FAN1: variants seen among roughly 807,000 people sequenced by gnomAD.
FAN1 encodes fanconi-associated nuclease 1.
A neutral mutation model predicts 104.9 loss-of-function variants in FAN1; 91 were observed. The observed-to-expected ratio is 0.87, with a 90% CI of 0.73 to 1.03. FAN1 has a LOEUF of 1.03. Among genes scored for constraint, FAN1 ranks in the 50% least tolerant of loss-of-function variants. The pLI, the probability that FAN1 is intolerant of heterozygous loss-of-function variation, is 0.00. For synonymous variants in FAN1, 478 were observed against 457.6 expected, an observed-to-expected ratio of 1.04 and a Z score of -0.57; for missense variants, 1,263 against 1,239.9, an observed-to-expected ratio of 1.02 and a Z score of -0.28.
Position 30,905,604 on chromosome 15 carries a change from T to C in FAN1, c.941T>C (p.Ile314Thr), listed in dbSNP as rs139809129. The C allele has an allele frequency of 1.9e-6, 3 of 1,613,964 alleles. No individual in the cohort carries two copies. The highest frequency in any genetic ancestry group is 2.7e-5 in the African/African-American group (2 of 74,930). Residue 314 changes from isoleucine (I) to threonine (T), a missense_variant, in exon 2 of 15, where the codon ATA becomes ACA. By Grantham distance (89) the Ile-to-Thr change is moderately conservative. This residue lies in a region of FAN1 where 682 missense variants were observed against 571.1 expected (regional missense o/e 1.19). Transcript: ENST00000362065. ...VKMTVASEAK[I>T]QLSDSEAKSH... ...ATGACTGTTGCTTCAGAAGCTAAAA[T>C]ACAGCTGTCAGATTCAGAGGCAAAA...
chr15:30,938,687 A>T (rs1399754658), intron 14 of FAN1, among the ~76,000 whole-genome samples: 1 of 151,952 alleles, frequency 6.6e-6, no homozygotes, highest in African/African-American at 2.4e-5. Context: ...TTCTTGGGGG[A>T]ATATTACTCC....
In FAN1 at chr15:30,905,488, A is replaced by G. The variant is rs569290715; in HGVS notation, c.825A>G (p.Leu275=). 7.4e-6 allele frequency: 12 copies of G among 1,614,102 alleles called. No homozygotes were observed. The East Asian group carries it at 2.7e-4, about 36-fold the overall frequency. Residue 275 remains leucine, a synonymous_variant, in exon 2 of 15, where the codon TTA becomes TTG. Transcript: ENST00000362065. The stretch of plus-strand genomic sequence containing the variant: ...CAGATTTCACTCTTAGGAATACATT[A>G]AAGTCTACTTCAGAAGACAGTCTTG... The part of the protein sequence containing the change: ...FSPDFTLRNT[L]KSTSEDSLVK...
At chr15:30,908,325 T>C in intron 3 of FAN1, 67 bp downstream of exon 3, 1 of 1,398,314 alleles carries the variant, frequency 7.2e-7, no homozygotes, top group Non-Finnish European at 9.6e-7. Flanking sequence ...TGCAGAATGA[T>C]GGCAGTATTA....
chr15:30,937,282 T>A, intron 14 of FAN1, 23 bp downstream of exon 14: 1 of 1,590,662 alleles, frequency 6.3e-7, no homozygotes, highest in Non-Finnish European at 8.5e-7. Context: ...GGATATTTGG[T>A]CATACATTAA....
chr15:30,938,401 T>TA, intron 14 of FAN1, among the ~76,000 whole-genome samples: 1 of 152,326 alleles, frequency 6.6e-6, no homozygotes, highest in African/African-American at 2.4e-5. Flanking sequence ...TTATAACATG[T>TA]AAATGCTTGT....
At chr15:30,911,306 T>C in intron 4 of FAN1, 1 of 985,642 alleles carries the variant, frequency 1.0e-6, no homozygotes, top group Non-Finnish European at 1.2e-6. Flanking sequence ...ACTTTTAGAA[T>C]TGATTTCTTT....
chr15:30,929,216 A>G lies in FAN1; in HGVS notation c.2606A>G (p.Asp869Gly), dbSNP rs1017884362. The G allele has an allele frequency of 6.2e-7, 1 of 1,612,012 alleles. No homozygotes were observed. Among genetic ancestry groups the G allele is most frequent in the African/African-American group, 1.3e-5 (1 of 74,694 alleles). ...FRNACQAFPL[D>G]LCTDSFFTSR... The stretch of plus-strand genomic sequence containing the variant: ...CCTGTGACACAGGCATTCCCCCTGG[A>G]CTTGTGCACAGACAGCTTCTTCACA... Residue 869 changes from aspartate to glycine, a missense_variant, in exon 12 of 15, where the codon GAC (aspartate) becomes GGC (glycine). By Grantham distance (94) the Asp-to-Gly change is moderately conservative. Coordinates refer to ENST00000362065, the MANE Select transcript of FAN1 (RefSeq NM_014967.5).
chr15:30,939,730 C>T (rs2062975579), intron 14 of FAN1: 1 of 981,220 alleles, frequency 1.0e-6, no homozygotes, highest in Non-Finnish European at 1.2e-6. Context: ...AATAAAAAAG[C>T]AGCTAAATGA....
intron 7 of FAN1, among the ~76,000 whole-genome samples, chr15:30,921,134 G>A (rs1595853167): frequency 6.6e-6 from 1 of 152,146 alleles, no homozygotes; most frequent in African/African-American, 2.4e-5. Flanking sequence ...TAGGCAGCCC[G>A]CTGTCTCTTG....
In FAN1 at chr15:30,942,819, G is replaced by A. The variant is rs748714277; in HGVS notation, c.*1257G>A. On this transcript the variant is annotated 3_prime_UTR_variant, in exon 15 of 15. Coordinates refer to ENST00000362065, the MANE Select transcript of FAN1 (RefSeq NM_014967.5). Reference sequence around the variant, plus strand: ...TCTTGGAAGTGCCTTTACTTTTAACGCTCTCTGTTCTGAAAAAGAGGTGTT... The same window carrying A: ...TCTTGGAAGTGCCTTTACTTTTAACACTCTCTGTTCTGAAAAAGAGGTGTT... The A allele has an allele frequency of 6.0e-5, 84 of 1,411,342 alleles. No homozygotes were observed. In the East Asian group the frequency reaches 6.1e-4, roughly 10 times the overall value. 87.4% of individuals were successfully genotyped at this position (1,411,342 alleles called of 1,614,324 possible).
chr15:30,909,296 G>A (rs1206561776), intron 3 of FAN1, among the ~76,000 whole-genome samples: 1 of 152,196 alleles, frequency 6.6e-6, no homozygotes, highest in Non-Finnish European at 1.5e-5. Flanking sequence ...AGCAGGAAGT[G>A]TGTTAGGGTG....
chr15:30,919,378 CAAAAAAA>C (rs34395788), intron 6 of FAN1, among the ~76,000 whole-genome samples: 1,584 of 75,144 alleles, frequency 0.021, 7 homozygotes, highest in Middle Eastern at 0.029. Context: ...AACTCCGTCT[CAAAAAAA>C]AAAAAAAAAA....
In FAN1 at chr15:30,937,090, A is replaced by G. The variant is rs776151313; in HGVS notation, c.2917-29A>G. The G allele has an allele frequency of 3.8e-6, 6 of 1,599,094 alleles. No homozygotes were observed. The South Asian group carries it at 4.5e-5, about 12-fold the overall frequency. On this transcript the variant is annotated intron_variant, in intron 13 of 14. Transcript: ENST00000362065. ...TGGCTTTTCATTCAGTAAGATACTAATAACAACTTTTAAAAATTTCTTTTC... is the reference window on the plus strand; with the variant it reads ...TGGCTTTTCATTCAGTAAGATACTAGTAACAACTTTTAAAAATTTCTTTTC...
chr15:30,908,599 A>G (rs920910145), intron 3 of FAN1, among the ~76,000 whole-genome samples: 1 of 152,020 alleles, frequency 6.6e-6, no homozygotes, highest in Admixed American at 6.5e-5. Context: ...TAATCCCAGC[A>G]CTTTGGGAGG....
Position 30,908,078 on chromosome 15 carries a change from A to C in FAN1, c.1235-40A>C, listed in dbSNP as rs201748708. ...TTATTCACCTTAGGTTTAAAAGGTA[A>C]ATGCAGTGATTTTCAACATTTTTCT... is the stretch of plus-strand genomic sequence containing the variant. On this transcript the variant is annotated intron_variant, in intron 2 of 14. Transcript: ENST00000362065. The C allele has an allele frequency of 3.2e-4, 502 of 1,559,740 alleles. No individual in the cohort carries two copies. In the African/African-American group the frequency reaches 6.1e-3, roughly 19 times the overall value.
chr15:30,934,409 AT>A (rs2062797719), intron 13 of FAN1, among the ~76,000 whole-genome samples: 1 of 152,172 alleles, frequency 6.6e-6, no homozygotes, highest in Non-Finnish European at 1.5e-5. Flanking sequence ...GAACATTTAC[AT>A]TTAATTTGAT....
intron 14 of FAN1, chr15:30,941,084 C>A: frequency 3.3e-6 from 4 of 1,216,964 alleles, no homozygotes; most frequent in Non-Finnish European, 4.2e-6. Flanking sequence ...ATCAGATGCT[C>A]CTAAAAATGA....
chr15:30,909,818 G>A (rs1032767236), intron 3 of FAN1, among the ~76,000 whole-genome samples: 3 of 152,222 alleles, frequency 2.0e-5, no homozygotes, highest in African/African-American at 7.2e-5. Context: ...CTTCCCCGCT[G>A]CGTGGTGTTA....
At chr15:30,910,351 C>T (rs1024520914) in intron 3 of FAN1, among the ~76,000 whole-genome samples, 18 of 152,184 alleles carry the variant, frequency 1.2e-4, no homozygotes, top group African/African-American at 3.9e-4. Context: ...ACCATAATGG[C>T]TATCCATGTG....
Sources: gnomAD v4.1 joint callset for allele counts (sites outside exome capture counted in the v4.1 genomes callset) on GRCh38, gnomAD v4.1.1 for gene constraint, gnomAD v4.1.1 regional missense constraint, MANE v1.5 for transcripts, NCBI Gene and HGNC (gene_info 2026-07-23, HGNC 2026-07-21) for gene names.